The following RAD17 variants were observed in gnomAD, a reference collection of about 807,000 sequenced individuals.
RAD17 encodes the protein RAD17 checkpoint clamp loader component, also known as cell cycle checkpoint protein RAD17.
In RAD17, 31 loss-of-function variants were observed where a neutral mutation model predicts 81.5. The ratio of observed to expected loss-of-function variants is 0.38; its 90% confidence interval spans 0.29 to 0.51. The LOEUF is 0.51. RAD17 is among the 20% of genes least tolerant of loss of function. The probability of loss-of-function intolerance (pLI) is 0.88; values close to 1 mark genes in which losing one functional copy is unlikely to be tolerated. For missense variants in RAD17, 681 were observed against 781.2 expected, an observed-to-expected ratio of 0.87 and a Z score of 1.53; for synonymous variants, 261 against 266.2, an observed-to-expected ratio of 0.98 and a Z score of 0.19.
At chr5:69,373,312 C>CT (rs1387432416) in intron 4 of RAD17, among the ~76,000 whole-genome samples, 13 of 152,060 alleles carry the variant, frequency 8.5e-5, no homozygotes, top group African/African-American at 2.9e-4. Context: ...TTCTTTACTC[C>CT]TTTAAGGTCA....
intron 15 of RAD17, among the ~76,000 whole-genome samples, chr5:69,395,607 G>A (rs376985348): frequency 1.3e-4 from 19 of 151,956 alleles, no homozygotes; most frequent in African/African-American, 4.6e-4. Flanking sequence ...TTAACTTGAG[G>A]TAATTATTAC....
chr5:69,385,445 A>G (rs1168925746), intron 8 of RAD17, among the ~76,000 whole-genome samples: 5 of 150,992 alleles, frequency 3.3e-5, no homozygotes, highest in African/African-American at 9.8e-5. Context: ...TAATTTTTGT[A>G]TATTTAGTAG....
intron 17 of RAD17, among the ~76,000 whole-genome samples, chr5:69,403,373 A>AT (rs35051249): frequency 1.3e-5 from 2 of 152,054 alleles, no homozygotes; most frequent in Non-Finnish European, 2.9e-5. Context: ...CAGGATATGT[A>AT]TTTTTTTGGC....
Position 69,373,702 on chromosome 5 carries a change from TTTTTTTTTTTTTTTA to T in RAD17, c.10-127_10-113del, listed in dbSNP as rs2150766729. 7 of 553,230 alleles carry T rather than the reference TTTTTTTTTTTTTTTA, an allele frequency of 1.3e-5. No individual in the cohort carries two copies. The South Asian group carries it at 2.1e-4, about 16-fold the overall frequency. The allele number at this position is 553,230 out of a possible 1,614,324, so 34.3% of individuals were successfully genotyped here. ...CTCAAAAAAATTTTTTTTTTTTTTT[TTTTTTTTTTTTTTTA>T]AGTTTTAAAGGTTATAAATATATGA... On this transcript the variant is annotated intron_variant, in intron 4 of 18. Transcript: ENST00000354868.
At chr5:69,401,755 A>G (rs993717250) in intron 17 of RAD17, among the ~76,000 whole-genome samples, 5 of 152,010 alleles carry the variant, frequency 3.3e-5, no homozygotes, top group African/African-American at 1.2e-4. Flanking sequence ...TGGGAGGCCA[A>G]GACGGGCGGA....
chr5:69,374,799 T>G, intron 6 of RAD17, 88 bp downstream of exon 6: 1 of 1,176,002 alleles, frequency 8.5e-7, no homozygotes, highest in Admixed American at 2.3e-5. Flanking sequence ...TTTATGATGA[T>G]TTTGTTCAAA....
chr5:69,369,837 C>T lies in RAD17; in HGVS notation c.-513C>T. ...GAGGCCGTACCTCCGAGAGGCTCGGCGTTGAGCCCGGGTAGGGCCAGGTGG... is the reference window on the plus strand; with the variant it reads ...GAGGCCGTACCTCCGAGAGGCTCGGTGTTGAGCCCGGGTAGGGCCAGGTGG... On this transcript the variant is annotated 5_prime_UTR_variant, in exon 1 of 19. Coordinates refer to ENST00000354868, the MANE Select transcript of RAD17 (RefSeq NM_133338.3). 1.1e-5 allele frequency: 10 copies of T among 900,374 alleles called. No homozygotes were observed. The highest frequency in any genetic ancestry group is 8.1e-5 in the South Asian group (5 of 61,420). The allele number at this position is 900,374 out of a possible 1,614,324, so 55.8% of individuals were successfully genotyped here.
At chr5:69,369,518 C>G (rs1303573112), upstream of RAD17, 1 of 1,611,208 alleles carries the variant, frequency 6.2e-7, no homozygotes, top group Non-Finnish European at 8.5e-7. Flanking sequence ...CTTCGGGCGC[C>G]TCGCTCACGT....
chr5:69,386,958 T>G (rs1176970669), intron 11 of RAD17, among the ~76,000 whole-genome samples: 2 of 148,206 alleles, frequency 1.3e-5, no homozygotes, highest in African/African-American at 5.0e-5. Flanking sequence ...AGGGTCTCAC[T>G]CTGTTGCTCA....
intron 17 of RAD17, among the ~76,000 whole-genome samples, chr5:69,401,926 C>A (rs1398967658): frequency 7.2e-6 from 1 of 138,926 alleles, no homozygotes; most frequent in Non-Finnish European, 1.5e-5. Flanking sequence ...ATGGCATGAA[C>A]CTGGGAGGCG....
intron 17 of RAD17, among the ~76,000 whole-genome samples, chr5:69,405,784 G>C (rs901312985): frequency 2.6e-5 from 4 of 152,122 alleles, no homozygotes; most frequent in African/African-American, 7.2e-5. Context: ...GCTCATGCCT[G>C]TAATCCCAGC....
chr5:69,373,914 A>C lies in RAD17; in HGVS notation c.94A>C (p.Asn32His). 1 of 1,611,930 alleles carries C rather than the reference A, an allele frequency of 6.2e-7. No homozygotes were observed. Among genetic ancestry groups the C allele is most frequent in the Non-Finnish European group, 8.5e-7 (1 of 1,178,260 alleles). Reference sequence around the variant, plus strand: ...TATTACTGCCACATCATTAGGTGTGAATAACTCAAGTCATAGAAGAAAAAA... The same window carrying C: ...TATTACTGCCACATCATTAGGTGTGCATAACTCAAGTCATAGAAGAAAAAA... ...STITATSLGV[N>H]NSSHRRKNGP... The change falls in exon 5 of 19, where the codon AAT becomes CAT. Residue 32 changes from asparagine (N) to histidine (H), a missense_variant. Transcript: ENST00000354868.
At chr5:69,412,114 G>A (rs1400432647) in intron 18 of RAD17, among the ~76,000 whole-genome samples, 2 of 151,934 alleles carry the variant, frequency 1.3e-5, no homozygotes, top group Non-Finnish European at 2.9e-5. Context: ...CCGCCACCAC[G>A]CCCAGCTAAT....
At chr5:69,409,581 A>G in intron 17 of RAD17, among the ~76,000 whole-genome samples, 1 of 152,114 alleles carries the variant, frequency 6.6e-6, no homozygotes, top group East Asian at 1.9e-4. Context: ...AAAAGTTTTC[A>G]CCGATTTTGC....
At position 69,393,255 on chromosome 5, in the gene RAD17, G is replaced by T; in HGVS notation, c.1275+15G>T. On this transcript the variant is annotated intron_variant, in intron 14 of 18. Coordinates refer to ENST00000354868, the MANE Select transcript of RAD17 (RefSeq NM_133338.3). ...TTGAACCTGAGGTAAGTTCTTTGAT[G>T]ACACTTAGTATAGGTTACAAAGGAT... The T allele has an allele frequency of 6.3e-7, 1 of 1,587,998 alleles. No individual in the cohort carries two copies. Among genetic ancestry groups the T allele is most frequent in the South Asian group, 1.1e-5 (1 of 89,600 alleles).
chr5:69,393,265 A>G (rs1764654900), intron 14 of RAD17, 25 bp downstream of exon 14: 3 of 1,577,328 alleles, frequency 1.9e-6, no homozygotes, highest in Non-Finnish European at 2.6e-6. Flanking sequence ...GACACTTAGT[A>G]TAGGTTACAA....
chr5:69,394,831 C>T (rs1024422889), intron 15 of RAD17, among the ~76,000 whole-genome samples: 12 of 152,166 alleles, frequency 7.9e-5, no homozygotes, highest in African/African-American at 2.9e-4. Flanking sequence ...GAGGCCGAGG[C>T]AGGTGGATCA....
rs1764576624 is a variant in RAD17 at position 69,391,905 on chromosome 5, A to G, written c.1081A>G (p.Arg361Gly). Residue 361 changes from arginine to glycine, a missense_variant, in exon 13 of 19, where the codon AGA becomes GGA. Transcript: ENST00000354868. ...SDAVLSKSKR[R>G]KKPDRVFENQ... The stretch of plus-strand genomic sequence containing the variant: ...TGCTGTGCTGTCAAAATCAAAACGA[A>G]GAAAAAAACCTGATAGGGTTTTTGA... 1.3e-6 allele frequency: 2 copies of G among 1,595,498 alleles called. No individual in the cohort carries two copies. The highest frequency in any genetic ancestry group is 1.7e-6 in the Non-Finnish European group (2 of 1,174,348).
At chr5:69,378,777 G>A (rs1763668833) in intron 6 of RAD17, among the ~76,000 whole-genome samples, 1 of 152,162 alleles carries the variant, frequency 6.6e-6, no homozygotes, top group African/African-American at 2.4e-5. Context: ...ATTGTTGTGA[G>A]AATATCATAG....
Sources: allele counts gnomAD v4.1 joint callset (sites outside exome capture counted in the v4.1 genomes callset), GRCh38; gene constraint gnomAD v4.1.1; transcripts MANE v1.5; gene names NCBI Gene and HGNC (gene_info 2026-07-23, HGNC 2026-07-21).